FARS2: variants seen among roughly 807,000 people sequenced by gnomAD.
FARS2 encodes phenylalanyl-tRNA synthetase 2, mitochondrial.
Under a neutral mutation model 46.4 loss-of-function variants are expected in FARS2, and 40 were observed. The observed-to-expected ratio is 0.86, with a 90% CI of 0.67 to 1.12. The LOEUF is 1.12. Ranked by LOEUF, FARS2 falls within the 50% of genes most tolerant of loss-of-function variation. The pLI is 0.00. For synonymous variants in FARS2, 234 were observed against 214.9 expected (o/e 1.09, Z -0.78); for missense variants, 513 against 567.9 (o/e 0.90, Z 0.98).
chr6:5,330,129 A>G (rs1184427662), intron 1 of FARS2, among the ~76,000 whole-genome samples: 1 of 152,170 alleles, frequency 6.6e-6, no homozygotes, highest in African/African-American at 2.4e-5. Context: ...GGAACAGGGG[A>G]CAAACATCAA....
intron 6 of FARS2, among the ~76,000 whole-genome samples, chr6:5,691,405 A>C (rs185893967): frequency 6.6e-6 from 1 of 152,024 alleles, no homozygotes; most frequent in Non-Finnish European, 1.5e-5. Flanking sequence ...TTTCCTTCTA[A>C]CAGTCAGGAC....
At chr6:5,608,719 C>T (rs1485351001) in intron 5 of FARS2, among the ~76,000 whole-genome samples, 1 of 152,008 alleles carries the variant, frequency 6.6e-6, no homozygotes, top group African/African-American at 2.4e-5. Context: ...GCAACAGTAA[C>T]CATCAGTTCA....
chr6:5,723,444 G>A (rs1011527198), intron 6 of FARS2, among the ~76,000 whole-genome samples: 1 of 152,154 alleles, frequency 6.6e-6, no homozygotes, highest in South Asian at 2.1e-4. Flanking sequence ...CCAGGCCTCA[G>A]TGTCTTCATC....
intron 6 of FARS2, among the ~76,000 whole-genome samples, chr6:5,656,869 G>A (rs112450315): frequency 0.018 from 2,708 of 152,204 alleles, 52 homozygotes; most frequent in African/African-American, 0.041. Flanking sequence ...TTTGACACAG[G>A]TGTTTTAAGC....
intron 1 of FARS2, among the ~76,000 whole-genome samples, chr6:5,353,920 T>A (rs1757747885): frequency 6.6e-6 from 1 of 150,914 alleles, no homozygotes; most frequent in Non-Finnish European, 1.5e-5. Flanking sequence ...CAAACCAGGC[T>A]TTTCATCTCC....
rs1036331645 is a variant in FARS2, at chr6:5,426,687, G to A, written c.773-4354G>A. ...CTCACCCAGGCTGGAGTGCAGTGGC[G>A]CAATCTTGGCTCACCGCAACCTCCA... On this transcript the variant is annotated intron_variant, in intron 3 of 6. Coordinates refer to ENST00000274680, the MANE Select transcript of FARS2 (RefSeq NM_006567.5). 1.1e-4 allele frequency among the ~76,000 whole-genome samples: 17 copies of A among 152,178 alleles called. No individual in the cohort carries two copies. In the East Asian group the frequency reaches 1.5e-3, roughly 14 times the overall value.
At chr6:5,733,103 T>C (rs893223935) in intron 6 of FARS2, among the ~76,000 whole-genome samples, 1 of 152,252 alleles carries the variant, frequency 6.6e-6, no homozygotes, top group African/African-American at 2.4e-5. Context: ...TATTTGCAGA[T>C]AATTAACCTC....
intron 1 of FARS2, among the ~76,000 whole-genome samples, chr6:5,298,895 G>A (rs1422135779): frequency 6.8e-6 from 1 of 147,746 alleles, no homozygotes; most frequent in Non-Finnish European, 1.5e-5. Flanking sequence ...ATACAAAAAT[G>A]TCTTGTCTTT....
intron 5 of FARS2, among the ~76,000 whole-genome samples, chr6:5,569,573 T>G (rs1394394681): frequency 2.0e-5 from 3 of 152,154 alleles, no homozygotes; most frequent in Non-Finnish European, 2.9e-5. Flanking sequence ...GTGGTGGTAG[T>G]GGTCATTGTC....
At chr6:5,642,449 A>C (rs879069517) in intron 6 of FARS2, among the ~76,000 whole-genome samples, 5 of 152,296 alleles carry the variant, frequency 3.3e-5, no homozygotes, top group Admixed American at 1.3e-4. Flanking sequence ...CAAGGTAAAA[A>C]TGTTACTAAA....
chr6:5,312,289 A>G (rs1769130971), intron 1 of FARS2, among the ~76,000 whole-genome samples: 2 of 152,228 alleles, frequency 1.3e-5, no homozygotes, highest in Admixed American at 1.3e-4. Flanking sequence ...TTTGCTTACT[A>G]TTAATCTATA....
chr6:5,672,688 G>A (rs921426700), intron 6 of FARS2, among the ~76,000 whole-genome samples: 1 of 152,270 alleles, frequency 6.6e-6, no homozygotes, highest in African/African-American at 2.4e-5. Context: ...AATAGCATCT[G>A]AAGTTTCATT....
intron 1 of FARS2, among the ~76,000 whole-genome samples, chr6:5,315,613 A>G (rs999766594): frequency 2.6e-5 from 4 of 152,190 alleles, no homozygotes; most frequent in Admixed American, 1.3e-4. Context: ...TCCATCTACA[A>G]TCTGAAAAAC....
chr6:5,421,798 C>T (rs1182075445), intron 3 of FARS2, among the ~76,000 whole-genome samples: 1 of 152,210 alleles, frequency 6.6e-6, no homozygotes, highest in Non-Finnish European at 1.5e-5. Flanking sequence ...ACTTCATTGT[C>T]CATATCACTA....
chr6:5,277,371 C>G (rs73718029), intron 1 of FARS2, among the ~76,000 whole-genome samples: 149 of 152,198 alleles, frequency 9.8e-4, no homozygotes, highest in African/African-American at 3.2e-3. Flanking sequence ...TTTAGAATGA[C>G]TATATTTTTC....
intron 6 of FARS2, among the ~76,000 whole-genome samples, chr6:5,769,302 T>C (rs1762909887): frequency 6.6e-6 from 1 of 152,198 alleles, no homozygotes; most frequent in Non-Finnish European, 1.5e-5. Flanking sequence ...CAATTGTAGT[T>C]TGAATGGAAT....
chr6:5,673,808 A>G (rs1330650166), intron 6 of FARS2, among the ~76,000 whole-genome samples: 1 of 152,190 alleles, frequency 6.6e-6, no homozygotes, highest in East Asian at 1.9e-4. Flanking sequence ...ACACCTTGGT[A>G]TGTCTGGAGT....
At chr6:5,367,483 G>A (rs1296086993) in intron 1 of FARS2, among the ~76,000 whole-genome samples, 1 of 152,052 alleles carries the variant, frequency 6.6e-6, no homozygotes, top group African/African-American at 2.4e-5. Flanking sequence ...AGAAGACACT[G>A]TGTGAGTGGT....
rs56229210 is a variant in FARS2 at position 5,733,025 on chromosome 6, G to A, written c.1218-38266G>A. ...CCTTCCACACCACCACCAATGGCCA[G>A]ACAGGTGAAGTGAGGGGTTGAGCTT... On this transcript the variant is annotated intron_variant, in intron 6 of 6. Transcript: ENST00000274680. 6.7e-3 allele frequency among the ~76,000 whole-genome samples: 1,021 copies of A among 152,288 alleles called. 4 individuals are homozygous for A. Among genetic ancestry groups the A allele is most frequent in the Non-Finnish European group, 0.011 (725 of 68,032 alleles).
Sources: allele counts gnomAD v4.1 joint callset (sites outside exome capture counted in the v4.1 genomes callset), GRCh38; gene constraint gnomAD v4.1.1; transcripts MANE v1.5; gene names NCBI Gene and HGNC (gene_info 2026-07-23, HGNC 2026-07-21).